CLYBL: variants seen among roughly 807,000 people sequenced by gnomAD.
CLYBL encodes the protein citramalyl-CoA lyase, mitochondrial.
Under a neutral mutation model 38.9 loss-of-function variants are expected in CLYBL, and 31 were observed. The ratio of observed to expected loss-of-function variants is 0.80; its 90% CI spans 0.60 to 1.08. CLYBL has a LOEUF of 1.08. Ranked by LOEUF, CLYBL falls within the 50% of genes least tolerant of loss-of-function variation. CLYBL has a pLI of 0.00. For missense variants in CLYBL, 434 were observed against 411.6 expected (o/e 1.05, Z -0.47); for synonymous variants, 171 against 158.6 (o/e 1.08, Z -0.59).
chr13:99,659,440 G>A (rs1171071977), intron 1 of CLYBL, among the ~76,000 whole-genome samples: 2 of 152,126 alleles, frequency 1.3e-5, no homozygotes, highest in South Asian at 2.1e-4. Flanking sequence ...AAGGCCTTTT[G>A]TGTTCTTATC....
intron 2 of CLYBL, among the ~76,000 whole-genome samples, chr13:99,845,200 G>A (rs1438504483): frequency 6.6e-6 from 1 of 152,082 alleles, no homozygotes; most frequent in Non-Finnish European, 1.5e-5. Context: ...TTTGACGCAC[G>A]GTTTAGAGAA....
In CLYBL at chr13:99,880,223, A is replaced by C. The variant is rs1188455279; in HGVS notation, c.927+9161A>C. On this transcript the variant is annotated intron_variant, in intron 7 of 8. Transcript: ENST00000339105. ...GCTGGGATTACAGGCGCATGCCACT[A>C]TGCCCGGCTCATTGTATTTTTGGTA... 2.0e-5 allele frequency among the ~76,000 whole-genome samples: 3 copies of C among 151,726 alleles called. No individual in the cohort carries two copies. The South Asian group carries it at 6.2e-4, about 32-fold the overall frequency.
At chr13:99,823,321 C>A (rs2050622750) in intron 2 of CLYBL, among the ~76,000 whole-genome samples, 1 of 152,118 alleles carries the variant, frequency 6.6e-6, no homozygotes, top group Admixed American at 6.5e-5. Flanking sequence ...CTCAGCCTAC[C>A]AAGTAGCTGA....
intron 1 of CLYBL, among the ~76,000 whole-genome samples, chr13:99,686,469 C>T (rs1033808871): frequency 1.3e-5 from 2 of 151,968 alleles, no homozygotes; most frequent in Non-Finnish European, 1.5e-5. Context: ...GAGACACTCT[C>T]GAGGCCAGGA....
intron 1 of CLYBL, among the ~76,000 whole-genome samples, chr13:99,710,880 CCTT>C (rs375636960): frequency 4.2e-4 from 56 of 134,888 alleles, no homozygotes; most frequent in African/African-American, 1.3e-3. Context: ...GTTTCTAACC[CCTT>C]TTTTTTTTTT....
chr13:99,756,930 C>T (rs1024876517), intron 1 of CLYBL, among the ~76,000 whole-genome samples: 1 of 152,146 alleles, frequency 6.6e-6, no homozygotes, highest in Non-Finnish European at 1.5e-5. Context: ...CAGGGTTTCA[C>T]TCTGTCACCC....
At chr13:99,696,994 A>G (rs1017923743) in intron 1 of CLYBL, among the ~76,000 whole-genome samples, 1 of 152,136 alleles carries the variant, frequency 6.6e-6, no homozygotes, top group Middle Eastern at 3.4e-3. Flanking sequence ...TTTTCTATGT[A>G]TTTCTGCTGC....
chr13:99,819,184 T>A (rs1004618842), intron 2 of CLYBL, among the ~76,000 whole-genome samples: 7 of 150,734 alleles, frequency 4.6e-5, no homozygotes, highest in African/African-American at 7.3e-5. Flanking sequence ...CAAAAGAAAA[T>A]TTTTTAAAAA....
chr13:99,793,786 A>G (rs1479450622), intron 2 of CLYBL, among the ~76,000 whole-genome samples: 2 of 152,078 alleles, frequency 1.3e-5, no homozygotes, highest in African/African-American at 4.8e-5. Flanking sequence ...GAATCCAATT[A>G]AGTAAGACTG....
chr13:99,791,268 A>G (rs1251149470), intron 2 of CLYBL, among the ~76,000 whole-genome samples: 3 of 152,176 alleles, frequency 2.0e-5, no homozygotes, highest in Admixed American at 2.0e-4. Flanking sequence ...GGTGATAATG[A>G]AACACACACC....
At chr13:99,787,874 C>T (rs9517885) in intron 2 of CLYBL, among the ~76,000 whole-genome samples, 122,611 of 152,108 alleles carry the variant, frequency 0.81, 50,149 homozygotes, top group African/African-American at 0.94. Context: ...TTTTATTTCA[C>T]TGAGCAGTGC....
chr13:99,810,473 G>C (rs2761163), intron 2 of CLYBL, among the ~76,000 whole-genome samples: 107,378 of 152,012 alleles, frequency 0.71, 39,230 homozygotes, highest in East Asian at 0.95. Context: ...TGCCAAAGCC[G>C]AGGGGTGACA....
intron 2 of CLYBL, among the ~76,000 whole-genome samples, chr13:99,777,173 C>G (rs2049535353): frequency 6.6e-6 from 1 of 151,730 alleles, no homozygotes; most frequent in African/African-American, 2.4e-5. Context: ...GCACCCAGCC[C>G]CCACGCCCAA....
chr13:99,738,281 G>C (rs1039302127), intron 1 of CLYBL, among the ~76,000 whole-genome samples: 1 of 152,164 alleles, frequency 6.6e-6, no homozygotes, highest in Non-Finnish European at 1.5e-5. Context: ...ATAGGCTTCT[G>C]TGTATTTGTA....
intron 2 of CLYBL, among the ~76,000 whole-genome samples, chr13:99,810,098 A>C (rs2050311329): frequency 6.6e-6 from 1 of 152,230 alleles, no homozygotes; most frequent in South Asian, 2.1e-4. Flanking sequence ...TAAATGATTA[A>C]CTCGGTAACT....
chr13:99,794,607 T>TATTATTATTATTATTATTATTA (rs1566329958), intron 2 of CLYBL, among the ~76,000 whole-genome samples: 1 of 150,122 alleles, frequency 6.7e-6, no homozygotes, highest in Non-Finnish European at 1.5e-5. Context: ...TTATTATTAT[T>TATTATTATTATTATTATTATTA]TTGAGATGGA....
intron 1 of CLYBL, among the ~76,000 whole-genome samples, chr13:99,672,215 T>G (rs572391797): frequency 5.8e-4 from 88 of 151,348 alleles, no homozygotes; most frequent in African/African-American, 1.5e-3. Context: ...TTTTTTTTTT[T>G]TGAGACAGAG....
intron 1 of CLYBL, among the ~76,000 whole-genome samples, chr13:99,622,505 C>G (rs1232792240): frequency 6.6e-6 from 1 of 152,220 alleles, no homozygotes; most frequent in Non-Finnish European, 1.5e-5. Flanking sequence ...TCCATTGCCC[C>G]TACCCTAGTG....
intron 1 of CLYBL, among the ~76,000 whole-genome samples, chr13:99,752,529 C>T (rs954426594): frequency 2.0e-5 from 3 of 152,032 alleles, no homozygotes; most frequent in Non-Finnish European, 4.4e-5. Flanking sequence ...GGACAGTGAC[C>T]AAACTAAGCT....
Sources: gnomAD v4.1 joint callset for allele counts (sites outside exome capture counted in the v4.1 genomes callset) on GRCh38, gnomAD v4.1.1 for gene constraint, MANE v1.5 for transcripts, NCBI Gene and HGNC (gene_info 2026-07-23, HGNC 2026-07-21) for gene names.